MCOLN3: variants seen among roughly 807,000 people sequenced by gnomAD.
The protein encoded by MCOLN3 is mucolipin-3.
MCOLN3 carries 62 observed loss-of-function variants against 69.4 expected under a neutral mutation model. That is an observed-to-expected ratio of 0.89 (90% CI 0.73 to 1.10). MCOLN3 has a LOEUF of 1.10. MCOLN3 is among the 50% of genes least tolerant of loss of function. The probability of loss-of-function intolerance (pLI) is 0.00; values close to 1 mark genes in which losing one functional copy is unlikely to be tolerated. For synonymous variants in MCOLN3, 183 were observed against 217.0 expected, an observed-to-expected ratio of 0.84 and a Z score of 1.38; for missense variants, 564 against 656.4, an observed-to-expected ratio of 0.86 and a Z score of 1.54.
At chr1:85,028,836 A>T (rs1471320923) in intron 7 of MCOLN3, among the ~76,000 whole-genome samples, 1 of 152,130 alleles carries the variant, frequency 6.6e-6, no homozygotes, top group East Asian at 1.9e-4. Context: ...GTCTGGGAAG[A>T]TGTATGTAGG....
chr1:85,033,106 T>C (rs1191987468), intron 4 of MCOLN3, 150 bp from the exon 5 acceptor site: 1 of 734,162 alleles, frequency 1.4e-6, no homozygotes, highest in Non-Finnish European at 2.2e-6. Context: ...TAAATAAACA[T>C]TGATACCACA....
At position 85,026,259 on chromosome 1, in the gene MCOLN3, C is replaced by G. The variant is rs1484097246; in HGVS notation, c.858G>C (p.Met286Ile). 1 of 1,613,856 alleles carries G rather than the reference C, an allele frequency of 6.2e-7. No homozygotes were observed. ...TCAGAATGACAAAGGCATCAAAGATCATCATGTAATGAGTGTTCTTCTGAA... is the reference window on the plus strand; with the variant it reads ...TCAGAATGACAAAGGCATCAAAGATGATCATGTAATGAGTGTTCTTCTGAA... ...GSIQKNTHYM[M>I]IFDAFVILTC... Residue 286 changes from methionine to isoleucine, a missense_variant, in exon 8 of 13, where the codon ATG becomes ATC. Transcript: ENST00000370589.
intron 2 of MCOLN3, 34 bp downstream of exon 2, chr1:85,045,099 G>A (rs374629096): frequency 6.1e-5 from 93 of 1,526,030 alleles, no homozygotes; most frequent in East Asian, 2.3e-4. Flanking sequence ...AATTAAAAGA[G>A]GCTTTCACCA....
intron 4 of MCOLN3, among the ~76,000 whole-genome samples, 153 bp from the exon 5 acceptor site, chr1:85,033,109 A>G (rs1652621709): frequency 6.6e-6 from 1 of 152,246 alleles, no homozygotes; most frequent in Admixed American, 6.5e-5. Context: ...ATAAACATTG[A>G]TACCACATGG....
intron 3 of MCOLN3, among the ~76,000 whole-genome samples, chr1:85,034,573 C>T (rs1176101364): frequency 4.6e-5 from 7 of 152,184 alleles, no homozygotes; most frequent in Admixed American, 4.6e-4. Context: ...AGGTGATATT[C>T]AATGTAAATA....
intron 3 of MCOLN3, among the ~76,000 whole-genome samples, chr1:85,035,795 T>A (rs1652771255): frequency 6.6e-6 from 1 of 152,194 alleles, no homozygotes; most frequent in African/African-American, 2.4e-5. Flanking sequence ...CATCTAGAAC[T>A]CATAGGATTG....
intron 6 of MCOLN3, 69 bp downstream of exon 6, chr1:85,032,627 T>C: frequency 9.1e-7 from 1 of 1,096,132 alleles, no homozygotes; most frequent in Admixed American, 1.7e-5. Context: ...AATCCAAGGA[T>C]ATGAAACATT....
chr1:85,030,475 C>T (rs1192998998), intron 6 of MCOLN3, among the ~76,000 whole-genome samples: 1 of 152,166 alleles, frequency 6.6e-6, no homozygotes, highest in African/African-American at 2.4e-5. Flanking sequence ...CAGATCATTA[C>T]TGAACTATGG....
chr1:85,031,800 C>T (rs958180758), intron 6 of MCOLN3, among the ~76,000 whole-genome samples: 2 of 152,168 alleles, frequency 1.3e-5, no homozygotes, highest in African/African-American at 2.4e-5. Context: ...AGGCTGGGCA[C>T]GGTGGCTCAC....
At chr1:85,023,074 CTTTTTTTTTTTTT>C (rs71582943) in intron 9 of MCOLN3, 1 of 97,164 alleles carries the variant, frequency 1.0e-5, no homozygotes, top group Admixed American at 1.2e-4. Context: ...GATTTTTATT[CTTTTTTTTTTTTT>C]TTTTTTTTTG....
rs1293600807 is a variant in MCOLN3 at position 85,021,202 on chromosome 1, T to C, written c.1395A>G (p.Ala465=). The C allele has an allele frequency of 1.2e-6, 2 of 1,613,960 alleles. No individual in the cohort carries two copies. The highest frequency in any genetic ancestry group is 1.7e-6 in the Non-Finnish European group (2 of 1,179,896). ...INGDDMFATF[A]KMQQKSYLVW... ...CTAAGTAACTTTTTTGCTGCATTTT[T>C]GCAAACGTGGCAAACATATCATCTC... The change falls in exon 12 of 13, where the codon GCA becomes GCG. Residue 465 remains alanine, a synonymous_variant. Coordinates refer to ENST00000370589, the MANE Select transcript of MCOLN3 (RefSeq NM_018298.11).
chr1:85,025,666 C>T (rs1194616790), intron 9 of MCOLN3: 8 of 296,406 alleles, frequency 2.7e-5, no homozygotes, highest in African/African-American at 1.1e-4. Context: ...TCACAGGCCC[C>T]GCCGAAGAGT....
rs748013398 is a variant in MCOLN3, at chr1:85,026,248, G to C, written c.869C>G (p.Ala290Gly). ...KNTHYMMIFDAFVILTCLVSL... is the reference protein window; with the variant it reads ...KNTHYMMIFDGFVILTCLVSL... The stretch of plus-strand genomic sequence containing the variant: ...AACCAAGCAAGTCAGAATGACAAAG[G>C]CATCAAAGATCATCATGTAATGAGT... The change falls in exon 8 of 13, where the codon GCC (alanine) becomes GGC (glycine). Residue 290 changes from alanine (A) to glycine (G), a missense_variant. By Grantham distance (60) the Ala-to-Gly change is moderately conservative. Coordinates refer to ENST00000370589, the MANE Select transcript of MCOLN3 (RefSeq NM_018298.11). 18 of 1,614,064 alleles carry C rather than the reference G, an allele frequency of 1.1e-5. No homozygotes were observed. Among genetic ancestry groups the C allele is most frequent in the Middle Eastern group, 1.6e-4 (1 of 6,062 alleles).
intron 1 of MCOLN3, 120 bp downstream of exon 1, chr1:85,048,276 C>G (rs1266846244): frequency 6.6e-6 from 1 of 152,200 alleles, no homozygotes; most frequent in Non-Finnish European, 1.5e-5. Flanking sequence ...CTGCCCGGCC[C>G]GGCCTTCCCG....
chr1:85,024,376 G>A (rs1176393084), intron 9 of MCOLN3, among the ~76,000 whole-genome samples: 1 of 152,134 alleles, frequency 6.6e-6, no homozygotes, highest in African/African-American at 2.4e-5. Flanking sequence ...AAAACTACCT[G>A]GAGCTGTGCC....
intron 6 of MCOLN3, among the ~76,000 whole-genome samples, chr1:85,031,299 G>A (rs1418708814): frequency 6.6e-6 from 1 of 151,638 alleles, no homozygotes; most frequent in Non-Finnish European, 1.5e-5. Context: ...CAGTGAGATG[G>A]GAGAAATAAG....
At position 85,032,780 on chromosome 1, in the gene MCOLN3, CA is replaced by C; in HGVS notation, c.647del (p.Val216GlyfsTer7). ...TGGCTTTCAGTTTAAACTGAAGCTC[CA>C]CTGTTAGGAGTCTAGAAAACAGAGG... ...LTLDFHRLLT[V>X]ELQFKLKAIN... On this transcript the variant is annotated frameshift_variant, in exon 6 of 13. Coordinates refer to ENST00000370589, the MANE Select transcript of MCOLN3 (RefSeq NM_018298.11). LOFTEE classifies it high-confidence loss of function. 1 of 1,614,060 alleles carries C rather than the reference CA, an allele frequency of 6.2e-7. No homozygotes were observed. The highest frequency in any genetic ancestry group is 8.5e-7 in the Non-Finnish European group (1 of 1,179,916).
At chr1:85,041,738 C>T (rs1376462495) in intron 2 of MCOLN3, among the ~76,000 whole-genome samples, 8 of 151,824 alleles carry the variant, frequency 5.3e-5, no homozygotes, top group Non-Finnish European at 7.4e-5. Context: ...GGCATGGTGG[C>T]GCATGCCTGT....
intron 3 of MCOLN3, among the ~76,000 whole-genome samples, chr1:85,039,513 A>G (rs965612170): frequency 6.6e-6 from 1 of 152,174 alleles, no homozygotes; most frequent in African/African-American, 2.4e-5. Flanking sequence ...TCTGTTATCT[A>G]GTCTCAGGTA....
Sources: allele counts gnomAD v4.1 joint callset (sites outside exome capture counted in the v4.1 genomes callset), GRCh38; gene constraint gnomAD v4.1.1; transcripts MANE v1.5; gene names NCBI Gene and HGNC (gene_info 2026-07-23, HGNC 2026-07-21).